SEMA6D: variants seen among roughly 807,000 people sequenced by gnomAD.
SEMA6D encodes the protein semaphorin 6D.
Under a neutral mutation model 106.6 loss-of-function variants are expected in SEMA6D, and 35 were observed. The ratio of observed to expected loss-of-function variants is 0.33; its 90% CI spans 0.25 to 0.44. The LOEUF (loss-of-function observed/expected upper bound fraction) is 0.44, where lower values mean the gene tolerates loss of function less well. SEMA6D is among the 20% of genes least tolerant of loss of function. The probability of loss-of-function intolerance (pLI) is 1.00; values close to 1 mark genes in which losing one functional copy is unlikely to be tolerated. For missense variants in SEMA6D, 1,185 were observed against 1,345.9 expected, an observed-to-expected ratio of 0.88 and a Z score of 1.87; for synonymous variants, 499 against 487.7, an observed-to-expected ratio of 1.02 and a Z score of -0.31.
chr15:47,408,342 A>G (rs1339651054), intron 1 of SEMA6D, among the ~76,000 whole-genome samples: 3 of 152,252 alleles, frequency 2.0e-5, no homozygotes, highest in African/African-American at 7.2e-5. Flanking sequence ...ATTAAGTAAT[A>G]TATTTTAAAT....
intron 4 of SEMA6D, among the ~76,000 whole-genome samples, chr15:47,649,198 A>G (rs889874223): frequency 2.6e-5 from 4 of 152,204 alleles, no homozygotes; most frequent in Non-Finnish European, 5.9e-5. Context: ...CATTGTGTAC[A>G]GGGCTTTACG....
At chr15:47,418,837 G>A (rs1252208434) in intron 2 of SEMA6D, among the ~76,000 whole-genome samples, 2 of 152,142 alleles carry the variant, frequency 1.3e-5, no homozygotes, top group Non-Finnish European at 2.9e-5. Context: ...CAGGAAAGGT[G>A]TGGATAGGTG....
At chr15:47,290,832 G>T (rs779414354) in intron 1 of SEMA6D, among the ~76,000 whole-genome samples, 1 of 152,120 alleles carries the variant, frequency 6.6e-6, no homozygotes, top group African/African-American at 2.4e-5. Flanking sequence ...TTAACCATTC[G>T]CATGGGTGCA....
intron 1 of SEMA6D, among the ~76,000 whole-genome samples, chr15:47,412,227 A>AG (rs1371064538): frequency 2.0e-5 from 3 of 152,144 alleles, no homozygotes; most frequent in African/African-American, 7.2e-5. Context: ...GGAAAAAAAA[A>AG]GAAAATCCAC....
chr15:47,675,399 A>G (rs2078222449), intron 4 of SEMA6D, among the ~76,000 whole-genome samples: 1 of 152,156 alleles, frequency 6.6e-6, no homozygotes, highest in Non-Finnish European at 1.5e-5. Flanking sequence ...TTGGACACAC[A>G]GAGAGACCAG....
intron 4 of SEMA6D, among the ~76,000 whole-genome samples, chr15:47,702,562 G>T (rs1174665150): frequency 6.6e-6 from 1 of 152,164 alleles, no homozygotes; most frequent in Non-Finnish European, 1.5e-5. Flanking sequence ...GCAAAAACTT[G>T]TATATGGATA....
intron 3 of SEMA6D, among the ~76,000 whole-genome samples, chr15:47,494,285 G>A (rs2043565512): frequency 6.6e-6 from 1 of 152,024 alleles, no homozygotes; most frequent in African/African-American, 2.4e-5. Flanking sequence ...CTATATTCTA[G>A]AAATGTAATC....
At chr15:47,574,778 T>C (rs1402319830) in intron 3 of SEMA6D, among the ~76,000 whole-genome samples, 1 of 152,208 alleles carries the variant, frequency 6.6e-6, no homozygotes, top group African/African-American at 2.4e-5. Flanking sequence ...GACTAAGATC[T>C]CAGTTCTTTT....
chr15:47,624,706 C>G (rs2077171375), intron 4 of SEMA6D, among the ~76,000 whole-genome samples: 1 of 152,150 alleles, frequency 6.6e-6, no homozygotes, highest in Non-Finnish European at 1.5e-5. Flanking sequence ...TGTGAGTCAG[C>G]AATGAAGTGC....
chr15:47,405,986 C>T (rs199844649), intron 1 of SEMA6D, among the ~76,000 whole-genome samples: 1 of 152,196 alleles, frequency 6.6e-6, no homozygotes, highest in Non-Finnish European at 1.5e-5. Context: ...CTTTCACTCA[C>T]GAGGGCCATA....
At chr15:47,472,016 G>C (rs1249796051) in intron 3 of SEMA6D, among the ~76,000 whole-genome samples, 1 of 151,716 alleles carries the variant, frequency 6.6e-6, no homozygotes, top group Non-Finnish European at 1.5e-5. Flanking sequence ...AGGGGATGGA[G>C]GGAGAGAAAA....
At chr15:47,503,056 A>G (rs1028257630) in intron 3 of SEMA6D, among the ~76,000 whole-genome samples, 2 of 152,164 alleles carry the variant, frequency 1.3e-5, no homozygotes, top group Non-Finnish European at 2.9e-5. Flanking sequence ...TTAACTATAC[A>G]CTATCTTATA....
chr15:47,613,114 A>C (rs1332014438), intron 4 of SEMA6D, among the ~76,000 whole-genome samples: 1 of 152,212 alleles, frequency 6.6e-6, no homozygotes, highest in Non-Finnish European at 1.5e-5. Context: ...GTACCTCTAC[A>C]TAATTTGGAG....
chr15:47,237,144 T>C (rs913040530), intron 1 of SEMA6D, among the ~76,000 whole-genome samples: 1 of 152,176 alleles, frequency 6.6e-6, no homozygotes, highest in Non-Finnish European at 1.5e-5. Context: ...TAGAAATAAG[T>C]CTAGCTGTGC....
chr15:47,245,414 G>A (rs1280462067), intron 1 of SEMA6D, among the ~76,000 whole-genome samples: 1 of 152,160 alleles, frequency 6.6e-6, no homozygotes, highest in African/African-American at 2.4e-5. Flanking sequence ...GGCACTGGAG[G>A]AGATGGTCCC....
intron 4 of SEMA6D, among the ~76,000 whole-genome samples, chr15:47,623,232 G>A (rs1490162271): frequency 6.6e-6 from 1 of 152,132 alleles, no homozygotes; most frequent in Non-Finnish European, 1.5e-5. Flanking sequence ...CTATTGCCCT[G>A]CCCAGTCTCA....
intron 3 of SEMA6D, among the ~76,000 whole-genome samples, chr15:47,530,822 G>A (rs565515870): frequency 6.6e-6 from 1 of 152,114 alleles, no homozygotes; most frequent in East Asian, 1.9e-4. Flanking sequence ...AGATGATCTT[G>A]GAGGAGTTAT....
intron 3 of SEMA6D, among the ~76,000 whole-genome samples, chr15:47,484,756 A>G (rs578055644): frequency 1.4e-5 from 2 of 146,022 alleles, no homozygotes; most frequent in South Asian, 4.4e-4. Flanking sequence ...CACTATGTAT[A>G]TCCTGTTTTC....
intron 1 of SEMA6D, among the ~76,000 whole-genome samples, chr15:47,282,293 A>G (rs971455467): frequency 1.3e-5 from 2 of 152,144 alleles, no homozygotes; most frequent in Non-Finnish European, 2.9e-5. Context: ...CTGTTTTTGA[A>G]TTTTGTGTAA....
Sources: gnomAD v4.1 joint callset for allele counts (sites outside exome capture counted in the v4.1 genomes callset) on GRCh38, gnomAD v4.1.1 for gene constraint, MANE v1.5 for transcripts, NCBI Gene and HGNC (gene_info 2026-07-23, HGNC 2026-07-21) for gene names.